Variants in BICRA observed in about 807,000 individuals in gnomAD.
The protein encoded by BICRA is BRD4-interacting chromatin-remodeling complex-associated protein.
BICRA carries 31 observed loss-of-function variants against 96.9 expected under a neutral mutation model. The observed-to-expected ratio is 0.32, with a 90% CI of 0.24 to 0.43. The LOEUF is 0.43. BICRA is among the 20% of genes least tolerant of loss of function. BICRA has a pLI of 1.00. For missense variants in BICRA, 2,283 were observed against 2,190.3 expected, an observed-to-expected ratio of 1.04 and a Z score of -0.84; for synonymous variants, 1,350 against 1,071.8, an observed-to-expected ratio of 1.26 and a Z score of -5.07.
Position 47,680,514 on chromosome 19 carries a change from C to T in BICRA, c.1344C>T (p.Ser448=), listed in dbSNP as rs1035938. The T allele has an allele frequency of 0.28, 429,801 of 1,542,428 alleles. 61,620 individuals carry two copies. The highest frequency in any genetic ancestry group is 0.43 in the African/African-American group (31,618 of 72,856). ...CCGGGGCCCTGAGCAAACCCATGAG[C>T]GTCCACCTCCTGAACCAAGGCAGCA... ...QPPGALSKPM[S]VHLLNQGSSI... The change falls in exon 6 of 15, where the codon AGC becomes AGT. Residue 448 remains serine (S), a synonymous_variant. Transcript: ENST00000594866.
intron 7 of BICRA, among the ~76,000 whole-genome samples, chr19:47,683,041 G>A (rs934432893): frequency 1.3e-5 from 2 of 152,176 alleles, no homozygotes; most frequent in Non-Finnish European, 2.9e-5. Flanking sequence ...TATTTAGCCA[G>A]TCTAAATTGT....
chr19:47,631,929 A>T (rs762234324), intron 1 of BICRA, among the ~76,000 whole-genome samples: 1 of 152,234 alleles, frequency 6.6e-6, no homozygotes, highest in Admixed American at 6.5e-5. Flanking sequence ...GATTAGAGGC[A>T]TGAGCTACTG....
At chr19:47,688,939 G>A (rs1375601267) in intron 7 of BICRA, among the ~76,000 whole-genome samples, 1 of 151,730 alleles carries the variant, frequency 6.6e-6, no homozygotes, top group East Asian at 2.0e-4. Context: ...CAATTCTTCT[G>A]CCTCAGCCTC....
intron 1 of BICRA, among the ~76,000 whole-genome samples, chr19:47,620,076 C>T (rs780554120): frequency 2.0e-5 from 3 of 152,160 alleles, no homozygotes; most frequent in Non-Finnish European, 4.4e-5. Flanking sequence ...TGAGCATCTT[C>T]GGCTCAGCAT....
intron 1 of BICRA, among the ~76,000 whole-genome samples, chr19:47,642,417 C>G (rs1017073788): frequency 6.6e-6 from 1 of 152,084 alleles, no homozygotes; most frequent in East Asian, 1.9e-4. Context: ...TAGAAACTGC[C>G]CACCTGGGCG....
intron 7 of BICRA, among the ~76,000 whole-genome samples, chr19:47,687,953 C>T (rs911510704): frequency 1.3e-5 from 2 of 152,060 alleles, no homozygotes; most frequent in East Asian, 3.8e-4. Context: ...AAGTGCTAAA[C>T]CTTTTTGAAA....
intron 1 of BICRA, among the ~76,000 whole-genome samples, chr19:47,610,259 G>T (rs2123498729): frequency 6.6e-6 from 1 of 152,328 alleles, no homozygotes; most frequent in East Asian, 1.9e-4. Context: ...CCCCTCGTCT[G>T]CTTCCCCGAC....
chr19:47,655,842 C>T (rs1972608222), intron 1 of BICRA, among the ~76,000 whole-genome samples: 2 of 150,034 alleles, frequency 1.3e-5, no homozygotes, highest in South Asian at 2.1e-4. Flanking sequence ...GGTGACAGAG[C>T]GAGACTCCAT....
chr19:47,621,513 G>GCC (rs1297510897), intron 1 of BICRA, among the ~76,000 whole-genome samples: 1 of 138,552 alleles, frequency 7.2e-6, no homozygotes, highest in Admixed American at 7.6e-5. Context: ...TGCTCTTGTT[G>GCC]CCCAGGCTGG....
intron 5 of BICRA, among the ~76,000 whole-genome samples, chr19:47,678,616 G>T (rs1568568254): frequency 6.6e-6 from 1 of 152,166 alleles, no homozygotes; most frequent in Admixed American, 6.5e-5. Flanking sequence ...TTAGGCTGGA[G>T]TACAGTGACA....
At chr19:47,649,809 C>A (rs187082526) in intron 1 of BICRA, among the ~76,000 whole-genome samples, 47 of 152,220 alleles carry the variant, frequency 3.1e-4, no homozygotes, top group Admixed American at 8.5e-4. Context: ...CAAAGCCAAC[C>A]CCAAGATTAT....
At chr19:47,666,681 C>G (rs1445611619) in intron 1 of BICRA, among the ~76,000 whole-genome samples, 1 of 152,044 alleles carries the variant, frequency 6.6e-6, no homozygotes, top group African/African-American at 2.4e-5. Context: ...AAGTAATTCT[C>G]CCACCTCAGC....
chr19:47,697,960 G>A (rs1973373113), intron 11 of BICRA, among the ~76,000 whole-genome samples: 2 of 152,198 alleles, frequency 1.3e-5, no homozygotes, highest in South Asian at 2.1e-4. Flanking sequence ...TTCTGCCTCG[G>A]CCCCGCAAAG....
intron 10 of BICRA, among the ~76,000 whole-genome samples, chr19:47,696,147 G>T (rs770172251): frequency 3.9e-5 from 6 of 152,128 alleles, no homozygotes; most frequent in Non-Finnish European, 8.8e-5. Flanking sequence ...TGGGAAGCAG[G>T]CATCCGGCAG....
At position 47,695,169 on chromosome 19, in the gene BICRA, C is replaced by G. The variant is rs1599866444; in HGVS notation, c.3076+89C>G. 1.9e-5 allele frequency: 17 copies of G among 906,752 alleles called. No homozygotes were observed. In the East Asian group the frequency reaches 4.5e-4, roughly 24 times the overall value. The allele number at this position is 906,752 out of a possible 1,614,324, so 56.2% of individuals were successfully genotyped here. On this transcript the variant is annotated intron_variant, in intron 9 of 14. Coordinates refer to ENST00000594866, the MANE Select transcript of BICRA (RefSeq NM_001394372.1). The stretch of plus-strand genomic sequence containing the variant: ...GCAGGGAGAATGGGCTGGGGCAGGG[C>G]TGTGGGACTCAGCACAGGGCATCAG...
At position 47,622,290 on chromosome 19, in the gene BICRA, C is replaced by T. The variant is rs143655611; in HGVS notation, c.-108+13122C>T. ...TACTTTTTTAGTAGAGATGGGGTTT[C>T]GCCGCCATGTTGGCCAGGCTAGTCT... On this transcript the variant is annotated intron_variant, in intron 1 of 14. Transcript: ENST00000594866. 5.6e-4 allele frequency among the ~76,000 whole-genome samples: 85 copies of T among 151,442 alleles called. 1 individual carries two copies. Among genetic ancestry groups the T allele is most frequent in the African/African-American group, 1.9e-3 (78 of 41,374 alleles).
intron 1 of BICRA, among the ~76,000 whole-genome samples, chr19:47,653,371 A>G (rs865962589): frequency 2.0e-5 from 3 of 150,694 alleles, no homozygotes; most frequent in African/African-American, 7.3e-5. Flanking sequence ...ACATATTCAC[A>G]TACCATAAAA....
chr19:47,657,383 A>G (rs1447211038), intron 1 of BICRA, among the ~76,000 whole-genome samples: 2 of 151,656 alleles, frequency 1.3e-5, no homozygotes, highest in Non-Finnish European at 2.9e-5. Flanking sequence ...GCTTTTATGA[A>G]TAAGGCTGCT....
intron 7 of BICRA, among the ~76,000 whole-genome samples, chr19:47,689,315 G>A (rs888618742): frequency 2.6e-5 from 4 of 151,912 alleles, no homozygotes; most frequent in African/African-American, 4.8e-5. Flanking sequence ...TGTTGCCCAG[G>A]CTGGTCTTGA....
Sources: allele counts gnomAD v4.1 joint callset (sites outside exome capture counted in the v4.1 genomes callset), GRCh38; gene constraint gnomAD v4.1.1; transcripts MANE v1.5; gene names NCBI Gene and HGNC (gene_info 2026-07-23, HGNC 2026-07-21).